NEK8: variants seen among roughly 807,000 people sequenced by gnomAD.
NEK8 encodes NIMA related kinase 8, also known as serine/threonine-protein kinase Nek8.
Under a neutral mutation model 77.2 loss-of-function variants are expected in NEK8, and 51 were observed. That is an observed-to-expected ratio of 0.66 (90% CI 0.53 to 0.83). The LOEUF is 0.83. Among genes scored for constraint, NEK8 ranks in the 40% least tolerant of loss-of-function variants. The pLI is 0.00. For missense variants in NEK8, 787 were observed against 909.2 expected (o/e 0.87, Z 1.73); for synonymous variants, 365 against 363.2 (o/e 1.00, Z -0.06).
chr17:28,736,309 C>G (rs2034365265), intron 4 of NEK8, among the ~76,000 whole-genome samples: 1 of 152,148 alleles, frequency 6.6e-6, no homozygotes, highest in African/African-American at 2.4e-5. Context: ...ATGGCTGGGT[C>G]AAATGGTATT....
rs11649957 is a variant in NEK8 at position 28,735,383 on chromosome 17, C to A, written c.618+12C>A. 1 of 1,611,968 alleles carries A rather than the reference C, an allele frequency of 6.2e-7. No individual in the cohort carries two copies. The highest frequency in any genetic ancestry group is 1.1e-5 in the South Asian group (1 of 90,770). Reference sequence around the variant, plus strand: ...CTTTCGAGGCTGCGGTGAGTGTATGCACCCTCCAGGGGACAACTGAGAAAT... The same window carrying A: ...CTTTCGAGGCTGCGGTGAGTGTATGAACCCTCCAGGGGACAACTGAGAAAT... On this transcript the variant is annotated intron_variant, in intron 4 of 14. Transcript: ENST00000268766.
At position 28,737,792 on chromosome 17, in the gene NEK8, A is replaced by C; in HGVS notation, c.890-27A>C. On this transcript the variant is annotated intron_variant, in intron 6 of 14. Transcript: ENST00000268766. The surrounding 1 kb of genome is among the most constrained non-coding windows in gnomAD (Gnocchi z 4.8). ...GATGCCACACCATTCCCATCAGTTT[A>C]ATAGTCCCCATGCACTGTACCTGCA... 1.2e-6 allele frequency: 2 copies of C among 1,614,078 alleles called. No individual in the cohort carries two copies. The highest frequency in any genetic ancestry group is 1.7e-6 in the Non-Finnish European group (2 of 1,179,974).
rs768403890 is a variant in NEK8, at chr17:28,741,581, A to G, written c.2050+10A>G. The G allele has an allele frequency of 6.2e-7, 1 of 1,613,896 alleles. No homozygotes were observed. The highest frequency in any genetic ancestry group is 8.5e-7 in the Non-Finnish European group (1 of 1,179,976). On this transcript the variant is annotated intron_variant, in intron 14 of 14. Transcript: ENST00000268766. This position sits in a 1 kb window ranked among gnomAD's most constrained non-coding sequence, Gnocchi z 4.5. ...CTCCTGGCTGTTCGATGTGAGTTGT[A>G]ACTTTTCCCACTTCACCACACAGCC...
chr17:28,741,981 C>T lies in NEK8; in HGVS notation c.2073C>T (p.Pro691=), dbSNP rs750104979. ...AVRSVTDEPV[P]P Reference sequence around the variant, plus strand: ...CAGCGGTCACAGATGAGCCGGTCCCCCCCTGAGGCACCCGGATTCACCTCT... The same window carrying T: ...CAGCGGTCACAGATGAGCCGGTCCCTCCCTGAGGCACCCGGATTCACCTCT... Residue 691 remains proline (P), a synonymous_variant, in exon 15 of 15, where the codon CCC becomes CCT. Coordinates refer to ENST00000268766, the MANE Select transcript of NEK8 (RefSeq NM_178170.3). This position sits in a 1 kb window ranked among gnomAD's most constrained non-coding sequence, Gnocchi z 4.5. 4 of 1,614,096 alleles carry T rather than the reference C, an allele frequency of 2.5e-6. No homozygotes were observed. Among genetic ancestry groups the T allele is most frequent in the South Asian group, 2.2e-5 (2 of 91,088 alleles).
rs984213613 is a variant in NEK8 at position 28,739,124 on chromosome 17, A to G, written c.1340A>G (p.Gln447Arg). The change falls in exon 10 of 15, where the codon CAG (glutamine) becomes CGG (arginine). Residue 447 changes from glutamine (Q) to arginine (R), a missense_variant. Around this residue, in one of 2 missense-constraint regions of NEK8, gnomAD observed 516 missense variants for 544.0 expected, o/e 0.95. Transcript: ENST00000268766. ...GCTTTGCTGGGCTATGAAATGGTGC[A>G]GGTGGCCTGTGGGGCCTCTCACGTG... The part of the protein sequence containing the change: ...VEALLGYEMV[Q>R]VACGASHVLA... The G allele has an allele frequency of 1.9e-6, 3 of 1,614,072 alleles. No individual in the cohort carries two copies. Among genetic ancestry groups the G allele is most frequent in the African/African-American group, 2.7e-5 (2 of 74,938 alleles).
chr17:28,743,127 A>G lies in NEK8; in HGVS notation c.*1140A>G, dbSNP rs927358742. The G allele has an allele frequency of 6.7e-6, 1 of 149,094 alleles. No individual in the cohort carries two copies. Among genetic ancestry groups the G allele is most frequent in the African/African-American group, 2.5e-5 (1 of 40,046 alleles). 9.2% of individuals were successfully genotyped at this position (149,094 alleles called of 1,614,324 possible). A position where few individuals can be genotyped will look rare whatever the true frequency, so the allele number is the denominator to read the frequency against. Reference sequence around the variant, plus strand: ...AGTATTTGGTGCTTACCGGGACTCTATCTCCATACTTTGGAGCAGGGCAAG... The same window carrying G: ...AGTATTTGGTGCTTACCGGGACTCTGTCTCCATACTTTGGAGCAGGGCAAG... On this transcript the variant is annotated 3_prime_UTR_variant, in exon 15 of 15. Coordinates refer to ENST00000268766, the MANE Select transcript of NEK8 (RefSeq NM_178170.3).
chr17:28,732,659 C>G (rs1035010479), intron 1 of NEK8, among the ~76,000 whole-genome samples: 4 of 143,568 alleles, frequency 2.8e-5, no homozygotes, highest in African/African-American at 5.2e-5. Flanking sequence ...TCAGGCCATT[C>G]TGCTGCCTCA....
At position 28,739,087 on chromosome 17, in the gene NEK8, A is replaced by G. The variant is rs1567761313; in HGVS notation, c.1303A>G (p.Thr435Ala). The G allele has an allele frequency of 6.2e-7, 1 of 1,612,792 alleles. No homozygotes were observed. Among genetic ancestry groups the G allele is most frequent in the Non-Finnish European group, 8.5e-7 (1 of 1,178,798 alleles). ...CCTTGCTTCCTCTCCTCTCTAGCCC[A>G]CCATTGTGGAGGCTTTGCTGGGCTA... ...HGSLTDISQP[T>A]IVEALLGYEM... Residue 435 changes from threonine (T) to alanine (A), a missense_variant, in exon 10 of 15, where the codon ACC (threonine) becomes GCC (alanine). Physicochemically the swap from Thr to Ala is moderately conservative, Grantham distance 58 (BLOSUM62 0). Coordinates refer to ENST00000268766, the MANE Select transcript of NEK8 (RefSeq NM_178170.3).
At chr17:28,730,707 G>C (rs2034298410) in intron 1 of NEK8, among the ~76,000 whole-genome samples, 1 of 151,514 alleles carries the variant, frequency 6.6e-6, no homozygotes, top group Non-Finnish European at 1.5e-5. Flanking sequence ...CTTGAGCTTA[G>C]GAGTTAGAGA....
chr17:28,734,702 C>T (rs369325879), intron 2 of NEK8, 70 bp from the exon 3 acceptor site: 5 of 1,089,344 alleles, frequency 4.6e-6, no homozygotes, highest in East Asian at 2.4e-5. Flanking sequence ...AAAAAAACAA[C>T]AACAACAATG....
At position 28,738,694 on chromosome 17, in the gene NEK8, G is replaced by A. The variant is rs199823733; in HGVS notation, c.1246G>A (p.Gly416Ser). 148 of 1,614,108 alleles carry A rather than the reference G, an allele frequency of 9.2e-5. No homozygotes were observed. Among genetic ancestry groups the A allele is most frequent in the Non-Finnish European group, 9.0e-5 (106 of 1,179,972 alleles). ...AGACAGAGGCATCATCATGACATTC[G>A]GCAGCGGCAGCAATGGGTGCCTAGG... ...LTDRGIIMTF[G>S]SGSNGCLGHG... Residue 416 changes from glycine (G) to serine (S), a missense_variant, in exon 9 of 15, where the codon GGC becomes AGC. Gly to Ser is a moderately conservative substitution (Grantham distance 56, BLOSUM62 0). Transcript: ENST00000268766.
In NEK8 at chr17:28,735,331, T is replaced by C. The variant is rs750935779; in HGVS notation, c.578T>C (p.Leu193Pro). Reference sequence around the variant, plus strand: ...GACATCTGGGCCCTGGGCTGTGTCCTCTACGAGCTGGCCAGCCTCAAGAGG... The same window carrying C: ...GACATCTGGGCCCTGGGCTGTGTCCCCTACGAGCTGGCCAGCCTCAAGAGG... The part of the protein sequence containing the change: ...KSDIWALGCV[L>P]YELASLKRAF... The change falls in exon 4 of 15, where the codon CTC becomes CCC. Residue 193 changes from leucine (L) to proline (P), a missense_variant. Physicochemically the swap from Leu to Pro is moderately conservative, Grantham distance 98 (BLOSUM62 -3). Around this residue, in one of 2 missense-constraint regions of NEK8, gnomAD observed 271 missense variants for 365.1 expected, o/e 0.74. Coordinates refer to ENST00000268766, the MANE Select transcript of NEK8 (RefSeq NM_178170.3). 1 of 1,614,076 alleles carries C rather than the reference T, an allele frequency of 6.2e-7. No homozygotes were observed. Among genetic ancestry groups the C allele is most frequent in the South Asian group, 1.1e-5 (1 of 91,072 alleles).
rs60028464 is a variant in NEK8, at chr17:28,743,072, CAAAAAAAAAAAAAA to C, written c.*1102_*1115del. ...TGGATGACAGAGCAAGTCTCCCTCT[CAAAAAAAAAAAAAA>C]AAAAAAAAAAAAAAAAGTATTTGGT... is the stretch of plus-strand genomic sequence containing the variant. On this transcript the variant is annotated 3_prime_UTR_variant, in exon 15 of 15. Transcript: ENST00000268766. 0.38 allele frequency: 25,537 copies of C among 66,562 alleles called. 2,752 individuals are homozygous for C. The highest frequency in any genetic ancestry group is 0.47 in the South Asian group (1,173 of 2,490). The allele number at this position is 66,562 out of a possible 1,614,324, so 4.1% of individuals were successfully genotyped here.
chr17:28,732,545 C>CTTTTTTTTTTTTTTT (rs1054257308), intron 1 of NEK8, among the ~76,000 whole-genome samples: 3 of 77,912 alleles, frequency 3.9e-5, no homozygotes, highest in Admixed American at 1.8e-4. Flanking sequence ...TTTTTCTTTT[C>CTTTTTTTTTTTTTTT]TTTTTTTTTT....
intron 1 of NEK8, 102 bp downstream of exon 1, chr17:28,728,962 G>C: frequency 8.9e-7 from 1 of 1,120,602 alleles, no homozygotes; most frequent in Non-Finnish European, 1.3e-6. Context: ...CCCAAGGCGT[G>C]AGCGCCACTC....
At position 28,734,205 on chromosome 17, in the gene NEK8, A is replaced by G; in HGVS notation, c.253+17A>G. 6.2e-7 allele frequency: 1 copy of G among 1,610,112 alleles called. No individual in the cohort carries two copies. On this transcript the variant is annotated intron_variant, in intron 2 of 14. Coordinates refer to ENST00000268766, the MANE Select transcript of NEK8 (RefSeq NM_178170.3). ...ATGCACCAGGTGGGCCAGCCTCCTT[A>G]CAGTGGCCTGGCTGGAGGGCCTCTT... is the stretch of plus-strand genomic sequence containing the variant.
Position 28,740,383 on chromosome 17 carries a change from C to T in NEK8, c.1418-80C>T. The T allele has an allele frequency of 8.1e-7, 1 of 1,236,590 alleles. No homozygotes were observed. The highest frequency in any genetic ancestry group is 2.3e-5 in the East Asian group (1 of 43,170). 76.6% of individuals were successfully genotyped at this position (1,236,590 alleles called of 1,614,324 possible). A position where few individuals can be genotyped will look rare whatever the true frequency, so the allele number is the denominator to read the frequency against. ...GAGAACAGAGAACTCATGCTGTTCC[C>T]TCCCCTCAGTGGGCCCTCCTCATTC... is the stretch of plus-strand genomic sequence containing the variant. On this transcript the variant is annotated intron_variant, in intron 10 of 14. Transcript: ENST00000268766. The surrounding 1 kb of genome is among the most constrained non-coding windows in gnomAD (Gnocchi z 4.7).
Position 28,740,885 on chromosome 17 carries a change from G to C in NEK8, c.1632G>C (p.Val544=), listed in dbSNP as rs766110309. The change falls in exon 12 of 15, where the codon GTG becomes GTC. Residue 544 remains valine (V), a synonymous_variant. Transcript: ENST00000268766. The surrounding 1 kb of genome is among the most constrained non-coding windows in gnomAD (Gnocchi z 4.7). The part of the protein sequence containing the change: ...LGEEPVPHQQ[V]EEALSFTLLG... ...AGGAGCCTGTCCCCCACCAGCAAGT[G>C]GAGGAGGCCCTGAGCTTCACACTAC... 2.4e-5 allele frequency: 38 copies of C among 1,614,162 alleles called. 1 individual carries two copies. The Admixed American group carries it at 6.3e-4, about 27-fold the overall frequency.
chr17:28,735,211 G>A (rs2034351816), intron 3 of NEK8, 29 bp from the exon 4 acceptor site: 1 of 1,613,784 alleles, frequency 6.2e-7, no homozygotes. Flanking sequence ...CCTCCCTGCA[G>A]GGCTGTGATC....
Sources: gnomAD v4.1 joint callset for allele counts (sites outside exome capture counted in the v4.1 genomes callset) on GRCh38, gnomAD v4.1.1 for gene constraint, gnomAD v4.1.1 regional missense constraint, Gnocchi (gnomAD v3.1) non-coding constraint, MANE v1.5 for transcripts, NCBI Gene and HGNC (gene_info 2026-07-23, HGNC 2026-07-21) for gene names.